The following MXD3 variants were observed in gnomAD, a reference collection of about 807,000 sequenced individuals.
MXD3 encodes the protein Max-associated protein 3.
In MXD3, 20 loss-of-function variants were observed where a neutral mutation model predicts 27.5. That is an observed-to-expected ratio of 0.73 (90% CI 0.51 to 1.06). MXD3 has a LOEUF of 1.06. Ranked by LOEUF, MXD3 falls within the 50% of genes least tolerant of loss-of-function variation. MXD3 has a pLI of 0.00. For synonymous variants in MXD3, 150 were observed against 130.7 expected, an observed-to-expected ratio of 1.15 and a Z score of -1.01; for missense variants, 298 against 291.3, an observed-to-expected ratio of 1.02 and a Z score of -0.17.
chr5:177,308,411 C>T (rs571103407), intron 4 of MXD3, among the ~76,000 whole-genome samples: 4 of 151,542 alleles, frequency 2.6e-5, no homozygotes, highest in South Asian at 2.1e-4. Context: ...CTCGCTCTGT[C>T]GCCCAGGCTG....
In MXD3 at chr5:177,310,455, G is replaced by A. The variant is rs1414833440; in HGVS notation, c.292C>T (p.Leu98=). 1 of 1,612,984 alleles carries A rather than the reference G, an allele frequency of 6.2e-7. No homozygotes were observed. The highest frequency in any genetic ancestry group is 1.1e-5 in the South Asian group (1 of 90,980). ...ATGTGCATCCTGGCACGGCGCAGCAGGCTCAGCGTGGTGTACCGGGCACAG... is the reference window on the plus strand; with the variant it reads ...ATGTGCATCCTGGCACGGCGCAGCAAGCTCAGCGTGGTGTACCGGGCACAG... The part of the protein sequence containing the change: ...ADCARYTTLS[L]LRRARMHIQK... The change falls in exon 4 of 6, where the codon CTG becomes TTG. Residue 98 remains leucine, a synonymous_variant. Transcript: ENST00000439742.
chr5:177,307,498 C>G lies in MXD3; in HGVS notation c.*90G>C, dbSNP rs766824375. ...TTTAGTCCATTCCAACAGGTGACTC[C>G]GAGCAGCCCTGAAGGCTTGGGGAGG... is the stretch of plus-strand genomic sequence containing the variant. On this transcript the variant is annotated 3_prime_UTR_variant, in exon 6 of 6. Transcript: ENST00000439742. 1 of 1,552,912 alleles carries G rather than the reference C, an allele frequency of 6.4e-7. No individual in the cohort carries two copies. The highest frequency in any genetic ancestry group is 8.7e-7 in the Non-Finnish European group (1 of 1,151,728).
chr5:177,312,315 C>T, upstream of MXD3: 1 of 986,574 alleles, frequency 1.0e-6, no homozygotes, highest in Non-Finnish European at 1.2e-6. Context: ...GGCCGCCGCT[C>T]GCCCATTCGC....
upstream of MXD3, chr5:177,312,324 G>A (rs894671630): frequency 2.0e-5 from 20 of 986,356 alleles, no homozygotes; most frequent in Non-Finnish European, 2.4e-5. Flanking sequence ...TCGCCCATTC[G>A]CACATGGCTT....
chr5:177,310,938 C>A, intron 2 of MXD3: 1 of 597,916 alleles, frequency 1.7e-6, no homozygotes, highest in Non-Finnish European at 3.0e-6. Context: ...AACAAGGGCG[C>A]CTGCCAGCTG....
In MXD3 at chr5:177,307,494, A is replaced by G. The variant is rs1269631052; in HGVS notation, c.*94T>C. ...TCCTTTTAGTCCATTCCAACAGGTG[A>G]CTCCGAGCAGCCCTGAAGGCTTGGG... On this transcript the variant is annotated 3_prime_UTR_variant, in exon 6 of 6. Transcript: ENST00000439742. 1.3e-6 allele frequency: 2 copies of G among 1,549,374 alleles called. No homozygotes were observed. Among genetic ancestry groups the G allele is most frequent in the South Asian group, 2.3e-5 (2 of 85,330 alleles).
intron 4 of MXD3, among the ~76,000 whole-genome samples, chr5:177,308,715 C>G (rs1760961939): frequency 6.6e-6 from 1 of 152,186 alleles, no homozygotes; most frequent in Non-Finnish European, 1.5e-5. Context: ...TCAGATTTTT[C>G]ATGTCAAATG....
chr5:177,307,986 G>C (rs754233532), intron 4 of MXD3, 22 bp from the exon 5 acceptor site: 9 of 1,505,514 alleles, frequency 6.0e-6, no homozygotes. Flanking sequence ...AAAGGAGCAA[G>C]GGGCTGGGGT....
In MXD3 at chr5:177,307,797, G is replaced by A. The variant is rs780494311; in HGVS notation, c.489C>T (p.Arg163=). ...GGCACTCACCTTGGTCTGAGTCTGAGCGCTCAGAGGAGAGGCCTGAGGAGT... is the reference window on the plus strand; with the variant it reads ...GGCACTCACCTTGGTCTGAGTCTGAACGCTCAGAGGAGAGGCCTGAGGAGT... ...SLDSSGLSSE[R]SDSDQEELEV... is the part of the protein sequence containing the mutation. Residue 163 remains arginine (R), a synonymous_variant, in exon 5 of 6, where the codon CGC becomes CGT. Coordinates refer to ENST00000439742, the MANE Select transcript of MXD3 (RefSeq NM_031300.4). The A allele has an allele frequency of 8.7e-6, 14 of 1,613,036 alleles. No homozygotes were observed. The highest frequency in any genetic ancestry group is 1.1e-5 in the Non-Finnish European group (13 of 1,179,806).
At chr5:177,308,668 C>T (rs564394894) in intron 4 of MXD3, among the ~76,000 whole-genome samples, 10 of 152,288 alleles carry the variant, frequency 6.6e-5, no homozygotes, top group Middle Eastern at 3.4e-3. Flanking sequence ...CCACCGCGCC[C>T]GGCCCCCCAT....
upstream of MXD3, chr5:177,312,523 C>T: frequency 1.0e-6 from 1 of 985,456 alleles, no homozygotes; most frequent in Non-Finnish European, 1.2e-6. Flanking sequence ...AATGCGCAGG[C>T]GCCGGCGGAG....
At chr5:177,310,757 C>T in intron 2 of MXD3, 60 bp from the exon 3 acceptor site, 2 of 1,597,776 alleles carry the variant, frequency 1.3e-6, no homozygotes, top group Admixed American at 1.7e-5. Context: ...GCCCCAATCC[C>T]AGGGCCCCCA....
At chr5:177,311,329 G>C in intron 2 of MXD3, 50 bp downstream of exon 2, 1 of 1,278,184 alleles carries the variant, frequency 7.8e-7, no homozygotes, top group African/African-American at 1.6e-5. Context: ...GGCCCGACCA[G>C]GGGCGGCGCC....
At position 177,310,406 on chromosome 5, in the gene MXD3, G is replaced by A. The variant is rs1186747626; in HGVS notation, c.321+20C>T. 1 of 1,598,042 alleles carries A rather than the reference G, an allele frequency of 6.3e-7. No homozygotes were observed. The highest frequency in any genetic ancestry group is 8.5e-7 in the Non-Finnish European group (1 of 1,170,916). On this transcript the variant is annotated intron_variant, in intron 4 of 5. Coordinates refer to ENST00000439742, the MANE Select transcript of MXD3 (RefSeq NM_031300.4). ...CCATACACCAGGGCAAGCCAGTCCG[G>A]GCGCAGTGGGGGGCCTCACCTGGAT...
upstream of MXD3, chr5:177,311,935 C>CCGCCCCGCCCCCGGGA (rs530133604): frequency 5.1e-6 from 7 of 1,360,264 alleles, no homozygotes; most frequent in Non-Finnish European, 5.7e-6. Flanking sequence ...ACACAGGGGC[C>CCGCCCCGCCCCCGGGA]CGCCCCGCCC....
At chr5:177,306,270 C>T (rs1760871782), downstream of MXD3, 1 of 1,558,938 alleles carries the variant, frequency 6.4e-7, no homozygotes, top group African/African-American at 1.4e-5. Flanking sequence ...CTGCTCTGAG[C>T]TGGGACTCCT....
intron 4 of MXD3, among the ~76,000 whole-genome samples, chr5:177,308,818 A>G (rs1323935462): frequency 6.6e-6 from 1 of 152,176 alleles, no homozygotes; most frequent in Non-Finnish European, 1.5e-5. Context: ...CGATCCCTAC[A>G]AGAGCGAGAG....
downstream of MXD3, chr5:177,305,920 G>A: frequency 6.2e-7 from 1 of 1,614,166 alleles, no homozygotes; most frequent in Non-Finnish European, 8.5e-7. Context: ...AACAGTGGCT[G>A]GACTGAAATC....
At chr5:177,311,272 G>T in intron 2 of MXD3, 107 bp downstream of exon 2, 1 of 670,480 alleles carries the variant, frequency 1.5e-6, no homozygotes, top group Non-Finnish European at 2.4e-6. Context: ...GCTTCCTGGA[G>T]CGGGACACCT....
Sources: allele counts gnomAD v4.1 joint callset (sites outside exome capture counted in the v4.1 genomes callset), GRCh38; gene constraint gnomAD v4.1.1; transcripts MANE v1.5; gene names NCBI Gene and HGNC (gene_info 2026-07-23, HGNC 2026-07-21).